The following RFX3 variants were observed in gnomAD, a reference collection of about 807,000 sequenced individuals.
The protein encoded by RFX3 is regulatory factor X3.
RFX3 carries 14 observed loss-of-function variants against 98.6 expected under a neutral mutation model. The observed-to-expected ratio is 0.14, with a 90% confidence interval of 0.09 to 0.22. RFX3 has a LOEUF of 0.22. Among genes scored for constraint, RFX3 ranks in the 10% least tolerant of loss-of-function variants. The pLI is 1.00. For synonymous variants in RFX3, 383 were observed against 328.4 expected, an observed-to-expected ratio of 1.17 and a Z score of -1.80; for missense variants, 639 against 926.9, an observed-to-expected ratio of 0.69 and a Z score of 4.03.
chr9:3,371,321 T>C (rs1837817937), intron 2 of RFX3, among the ~76,000 whole-genome samples: 1 of 152,202 alleles, frequency 6.6e-6, no homozygotes, highest in Non-Finnish European at 1.5e-5. Context: ...TTCCATTTCT[T>C]TAGCAGCACA....
intron 1 of RFX3, among the ~76,000 whole-genome samples, chr9:3,500,315 T>C (rs1815848040): frequency 6.6e-6 from 1 of 151,932 alleles, no homozygotes; most frequent in East Asian, 1.9e-4. Context: ...TAGAAGAAAA[T>C]GACGGACAAG....
At chr9:3,334,314 A>T (rs1832917399) in intron 3 of RFX3, among the ~76,000 whole-genome samples, 1 of 152,154 alleles carries the variant, frequency 6.6e-6, no homozygotes, top group South Asian at 2.1e-4. Context: ...AAGCCATGGA[A>T]AAGGCAGGGC....
intron 2 of RFX3, among the ~76,000 whole-genome samples, chr9:3,376,949 T>C (rs1306826874): frequency 6.6e-6 from 1 of 152,118 alleles, no homozygotes; most frequent in Non-Finnish European, 1.5e-5. Context: ...AAACAACAGG[T>C]GCTGGAGAGG....
chr9:3,225,017 C>A lies in RFX3; in HGVS notation c.*25G>T, dbSNP rs767247194. On this transcript the variant is annotated 3_prime_UTR_variant, in exon 17 of 17. Coordinates refer to ENST00000617270, the MANE Select transcript of RFX3 (RefSeq NM_001282116.2). ...CCAATATCAACAGGGTTAATGTAAG[C>A]TGGAAAAATACGCTTTAATATTCTT... The A allele has an allele frequency of 1.7e-5, 27 of 1,607,540 alleles. No individual in the cohort carries two copies. The South Asian group carries it at 3.0e-4, about 18-fold the overall frequency.
intron 7 of RFX3, among the ~76,000 whole-genome samples, chr9:3,286,503 C>T (rs1042144376): frequency 2.6e-5 from 4 of 151,724 alleles, no homozygotes; most frequent in Non-Finnish European, 4.4e-5. Flanking sequence ...CAGTCTGGTG[C>T]ACTTACACTG....
intron 1 of RFX3, among the ~76,000 whole-genome samples, chr9:3,439,413 C>T (rs547324171): frequency 6.6e-6 from 1 of 151,932 alleles, no homozygotes; most frequent in African/African-American, 2.4e-5. Flanking sequence ...AACTGATAAA[C>T]CTCTAGACAG....
In RFX3 at chr9:3,315,547, C is replaced by G. The variant is rs202072331; in HGVS notation, c.475-13927G>C. Among the ~76,000 whole-genome samples, 44 of 147,918 alleles carry G rather than the reference C, an allele frequency of 3.0e-4. No homozygotes were observed. The East Asian group carries it at 7.1e-3, about 24-fold the overall frequency. On this transcript the variant is annotated intron_variant, in intron 4 of 16. Transcript: ENST00000617270. ...TCAGAGCAGAACTGAAGGAGATAGA[C>G]ACACAAAAAAACCCTTCAAAAAATC... is the stretch of plus-strand genomic sequence containing the variant.
At chr9:3,288,057 G>A in intron 7 of RFX3, 74 bp downstream of exon 7, 1 of 1,407,126 alleles carries the variant, frequency 7.1e-7, no homozygotes, top group Non-Finnish European at 9.9e-7. Context: ...TTAGGTATTT[G>A]TTCAGAAAAA....
At chr9:3,365,040 G>A (rs1237376173) in intron 2 of RFX3, among the ~76,000 whole-genome samples, 4 of 152,100 alleles carry the variant, frequency 2.6e-5, no homozygotes, top group Admixed American at 6.5e-5. Flanking sequence ...GGTGGCTCAC[G>A]CCTGTAATCC....
chr9:3,315,993 G>C (rs961705078), intron 4 of RFX3, among the ~76,000 whole-genome samples: 6 of 152,052 alleles, frequency 3.9e-5, no homozygotes, highest in African/African-American at 1.4e-4. Flanking sequence ...CCAATCAATA[G>C]AAAAAGAGGG....
chr9:3,416,675 T>C (rs1587593932), intron 1 of RFX3, among the ~76,000 whole-genome samples: 1 of 152,166 alleles, frequency 6.6e-6, no homozygotes, highest in African/African-American at 2.4e-5. Flanking sequence ...TACACTGTGA[T>C]AAGTTGAAGC....
intron 4 of RFX3, among the ~76,000 whole-genome samples, chr9:3,312,131 T>A (rs1162587804): frequency 3.9e-5 from 6 of 152,178 alleles, no homozygotes; most frequent in Non-Finnish European, 8.8e-5. Flanking sequence ...GCACACAGTA[T>A]GGATAAGTAT....
chr9:3,238,380 T>C (rs1011980420), intron 15 of RFX3, among the ~76,000 whole-genome samples: 2 of 152,144 alleles, frequency 1.3e-5, no homozygotes, highest in Admixed American at 6.5e-5. Context: ...GCAAATACCA[T>C]GAGAAGGGCT....
chr9:3,434,711 C>T (rs770660536), intron 1 of RFX3, among the ~76,000 whole-genome samples: 1 of 152,074 alleles, frequency 6.6e-6, no homozygotes, highest in Non-Finnish European at 1.5e-5. Context: ...ACTCCAAATG[C>T]CAGTTCTCTA....
At chr9:3,251,127 T>C (rs1344073394) in intron 14 of RFX3, among the ~76,000 whole-genome samples, 2 of 152,086 alleles carry the variant, frequency 1.3e-5, no homozygotes, top group Non-Finnish European at 2.9e-5. Flanking sequence ...CATAATGAAA[T>C]AGTATGAGGA....
At chr9:3,308,360 G>C (rs1328078216) in intron 4 of RFX3, among the ~76,000 whole-genome samples, 1 of 152,166 alleles carries the variant, frequency 6.6e-6, no homozygotes. Flanking sequence ...CTGGAAGCCA[G>C]AAATATTTTC....
chr9:3,237,843 G>T (rs1203587143), intron 15 of RFX3, among the ~76,000 whole-genome samples: 1 of 152,140 alleles, frequency 6.6e-6, no homozygotes, highest in African/African-American at 2.4e-5. Flanking sequence ...AAGAAGTGGA[G>T]CCAGCCTGAC....
At chr9:3,459,042 G>A (rs1282301822) in intron 1 of RFX3, among the ~76,000 whole-genome samples, 5 of 152,030 alleles carry the variant, frequency 3.3e-5, no homozygotes, top group African/African-American at 4.8e-5. Flanking sequence ...CCAAAGGGAC[G>A]GCAATGAGAA....
At chr9:3,444,949 G>A (rs1424763975) in intron 1 of RFX3, among the ~76,000 whole-genome samples, 1 of 152,136 alleles carries the variant, frequency 6.6e-6, no homozygotes, top group African/African-American at 2.4e-5. Context: ...ATTCCTATGT[G>A]GGATAGGAGA....
Sources: allele counts gnomAD v4.1 joint callset (sites outside exome capture counted in the v4.1 genomes callset), GRCh38; gene constraint gnomAD v4.1.1; transcripts MANE v1.5; gene names NCBI Gene and HGNC (gene_info 2026-07-23, HGNC 2026-07-21).